The following NBPF15 variants were observed in gnomAD, a reference collection of about 807,000 sequenced individuals.
NBPF15 encodes the protein NBPF family member NBPF15.
A neutral mutation model predicts 62.2 loss-of-function variants in NBPF15; 74 were observed. That is an observed-to-expected ratio of 1.19 (90% CI 0.99 to 1.44). NBPF15 has a LOEUF of 1.44. Among genes scored for constraint, NBPF15 ranks in the 40% most tolerant of loss-of-function variants. NBPF15 has a pLI of 0.00. For missense variants in NBPF15, 790 were observed against 550.0 expected (o/e 1.44, Z -4.36); for synonymous variants, 244 against 209.7 (o/e 1.16, Z -1.41).
chr1:144,451,206 C>T (rs1571158987), intron 4 of NBPF15, among the ~76,000 whole-genome samples: 1 of 151,824 alleles, frequency 6.6e-6, no homozygotes, highest in Non-Finnish European at 1.5e-5. Context: ...AAGTGCTGTG[C>T]TTTTGATGTG....
intron 3 of NBPF15, among the ~76,000 whole-genome samples, chr1:144,457,082 G>T (rs1168896725): frequency 1.3e-5 from 2 of 152,000 alleles, no homozygotes; most frequent in African/African-American, 2.4e-5. Flanking sequence ...AGAAGGCTGA[G>T]GCAGGAGGAT....
At chr1:144,425,087 C>A (rs879949506) in intron 19 of NBPF15, among the ~76,000 whole-genome samples, 1 of 146,606 alleles carries the variant, frequency 6.8e-6, no homozygotes, top group Non-Finnish European at 1.5e-5. Flanking sequence ...CACACACACA[C>A]ACACACACAC....
intron 19 of NBPF15, among the ~76,000 whole-genome samples, chr1:144,425,145 G>C (rs1287434807): frequency 6.9e-6 from 1 of 144,362 alleles, no homozygotes; most frequent in East Asian, 2.0e-4. Flanking sequence ...TCAGTGAATT[G>C]TCCAGGTGAC....
intron 3 of NBPF15, among the ~76,000 whole-genome samples, chr1:144,458,757 T>C (rs1413278200): frequency 3.9e-5 from 6 of 151,988 alleles, no homozygotes; most frequent in East Asian, 3.9e-4. Context: ...AAGTGAATCA[T>C]AGCCGGGTGG....
At chr1:144,450,370 G>A (rs1212816143) in intron 5 of NBPF15, among the ~76,000 whole-genome samples, 1 of 151,582 alleles carries the variant, frequency 6.6e-6, no homozygotes, top group Non-Finnish European at 1.5e-5. Flanking sequence ...AGACAGGTAA[G>A]GAGGAAAGCA....
At chr1:144,442,341 T>C (rs1684082720) in intron 6 of NBPF15, among the ~76,000 whole-genome samples, 1 of 131,760 alleles carries the variant, frequency 7.6e-6, no homozygotes, top group South Asian at 2.3e-4. Flanking sequence ...ACGTGTGCCA[T>C]GTATATATAT....
Position 144,459,394 on chromosome 1 carries a change from G to A in NBPF15, c.-729C>T, listed in dbSNP as rs1279128554. 2.0e-5 allele frequency: 3 copies of A among 152,070 alleles called. No individual in the cohort carries two copies. The highest frequency in any genetic ancestry group is 2.1e-4 in the South Asian group (1 of 4,828). 9.4% of individuals were successfully genotyped at this position (152,070 alleles called of 1,614,324 possible). ...TAGGTCCCAGCTACTTGGGGGCTGA[G>A]GCAGGAGGATCACCTGAGCCTTGGG... On this transcript the variant is annotated 5_prime_UTR_variant, in exon 3 of 22. Coordinates refer to ENST00000581897, the MANE Select transcript of NBPF15 (RefSeq NM_001385408.1).
chr1:144,442,292 A>G (rs1182548921), intron 6 of NBPF15, among the ~76,000 whole-genome samples: 1 of 123,204 alleles, frequency 8.1e-6, no homozygotes, highest in Non-Finnish European at 1.7e-5. Flanking sequence ...TGTATATATT[A>G]TATATATATA....
rs587725226 is a variant in NBPF15 at position 144,423,876 on chromosome 1, C to T, written c.1763G>A (p.Cys588Tyr). The change falls in exon 21 of 22, where the codon TGC (cysteine) becomes TAC (tyrosine). Residue 588 changes from cysteine (C) to tyrosine (Y), a missense_variant. By Grantham distance (194) the Cys-to-Tyr change is radical (BLOSUM62 -2). Transcript: ENST00000581897. ...RKEGEDDNPP[C>Y]PRLYGVLMEV... ...CACAATTGCTGAAAGTTACCTGGGG[C>T]ATGGTGGGTTGTCATCTTCCCCTTC... 3,460 of 771,004 alleles carry T rather than the reference C, an allele frequency of 4.5e-3. 51 individuals are homozygous for T. Among genetic ancestry groups the T allele is most frequent in the Non-Finnish European group, 6.5e-3 (2,735 of 423,488 alleles). 47.8% of individuals were successfully genotyped at this position (771,004 alleles called of 1,614,324 possible). A position where few individuals can be genotyped will look rare whatever the true frequency, so the allele number is the denominator to read the frequency against.
At chr1:144,423,770 C>G in intron 21 of NBPF15, 100 bp downstream of exon 21, 1 of 711,918 alleles carries the variant, frequency 1.4e-6, no homozygotes, top group Non-Finnish European at 2.5e-6. Flanking sequence ...GTAATTCAGC[C>G]TTCGTTGAAA....
At chr1:144,457,251 T>C (rs1648653932) in intron 3 of NBPF15, among the ~76,000 whole-genome samples, 1 of 152,080 alleles carries the variant, frequency 6.6e-6, no homozygotes, top group Non-Finnish European at 1.5e-5. Context: ...AAGAATTCGA[T>C]TCTTTCTGTT....
chr1:144,421,874 GC>G lies in NBPF15; in HGVS notation c.*1138del, dbSNP rs1666251031. The G allele has an allele frequency of 7.3e-6, 1 of 137,536 alleles. No individual in the cohort carries two copies. The highest frequency in any genetic ancestry group is 1.5e-5 in the Non-Finnish European group (1 of 65,996). The allele number at this position is 137,536 out of a possible 1,614,324, so 8.5% of individuals were successfully genotyped here. A position where few individuals can be genotyped will look rare whatever the true frequency, so the allele number is the denominator to read the frequency against. ...TGGACAAACTAGACCTTCTCTGCCCGCAGATGGGCTGAGGTTGGAAACTCAC... is the reference window on the plus strand; with the variant it reads ...TGGACAAACTAGACCTTCTCTGCCCGAGATGGGCTGAGGTTGGAAACTCAC... On this transcript the variant is annotated 3_prime_UTR_variant, in exon 22 of 22. Coordinates refer to ENST00000581897, the MANE Select transcript of NBPF15 (RefSeq NM_001385408.1).
Position 144,456,554 on chromosome 1 carries a change from T to A in NBPF15, c.-449A>T, listed in dbSNP as rs587632734. ...GTTTTTACCTGTGGGATCTGGCAGCTCTTCATTCAGCCCACACCGTGTGAG... is the reference window on the plus strand; with the variant it reads ...GTTTTTACCTGTGGGATCTGGCAGCACTTCATTCAGCCCACACCGTGTGAG... On this transcript the variant is annotated 5_prime_UTR_variant, in exon 4 of 22. Coordinates refer to ENST00000581897, the MANE Select transcript of NBPF15 (RefSeq NM_001385408.1). 8.1e-5 allele frequency: 119 copies of A among 1,466,372 alleles called. 1 individual carries two copies. The East Asian group carries it at 2.7e-3, about 33-fold the overall frequency. 90.8% of individuals were successfully genotyped at this position (1,466,372 alleles called of 1,614,324 possible).
intron 13 of NBPF15, among the ~76,000 whole-genome samples, chr1:144,431,400 A>G (rs1674151790): frequency 6.6e-6 from 1 of 150,748 alleles, no homozygotes; most frequent in Non-Finnish European, 1.5e-5. Flanking sequence ...ACAAGCCAGA[A>G]GAGAGTGGGA....
chr1:144,422,642 T>A lies in NBPF15; in HGVS notation c.*371A>T, dbSNP rs1352951259. ...GGTTCATTGAAACCAGGGTAACACCTTTGGATGAGCTAAACACAAAGATGA... is the reference window on the plus strand; with the variant it reads ...GGTTCATTGAAACCAGGGTAACACCATTGGATGAGCTAAACACAAAGATGA... On this transcript the variant is annotated 3_prime_UTR_variant, in exon 22 of 22. Coordinates refer to ENST00000581897, the MANE Select transcript of NBPF15 (RefSeq NM_001385408.1). 8.0e-6 allele frequency: 3 copies of A among 374,932 alleles called. No individual in the cohort carries two copies. In the Admixed American group the frequency reaches 1.3e-4, roughly 16 times the overall value. The allele number at this position is 374,932 out of a possible 1,614,324, so 23.2% of individuals were successfully genotyped here. A position where few individuals can be genotyped will look rare whatever the true frequency, so the allele number is the denominator to read the frequency against.
In NBPF15 at chr1:144,442,095, C is replaced by CACAAGTGTATATATATATATAATATATAT. The variant is rs1683315428; in HGVS notation, c.-190-1801_-190-1800insATATATATTATATATATATATACACTTGT. Among the ~76,000 whole-genome samples the CACAAGTGTATATATATATATAATATATAT allele has an allele frequency of 9.1e-5, 5 of 54,682 alleles. No homozygotes were observed. In the South Asian group the frequency reaches 2.9e-3, roughly 32 times the overall value. 35.9% of individuals were successfully genotyped at this position (54,682 alleles called of 152,430 possible). ...TAATGGGTGCAGCAAACAAACATGG[C>CACAAGTGTATATATATATATAATATATAT]ACACGTGTATATATATATATAATAT... On this transcript the variant is annotated intron_variant, in intron 6 of 21. Coordinates refer to ENST00000581897, the MANE Select transcript of NBPF15 (RefSeq NM_001385408.1).
chr1:144,442,332 C>T (rs1553542962), intron 6 of NBPF15, among the ~76,000 whole-genome samples: 3 of 126,000 alleles, frequency 2.4e-5, no homozygotes, highest in Non-Finnish European at 3.3e-5. Flanking sequence ...TATATATACA[C>T]GTGTGCCATG....
intron 6 of NBPF15, among the ~76,000 whole-genome samples, chr1:144,445,296 A>ATT (rs71272979): frequency 1.5e-5 from 2 of 132,166 alleles, no homozygotes. Flanking sequence ...ATATATATAT[A>ATT]TTCCCTATTT....
intron 20 of NBPF15, among the ~76,000 whole-genome samples, 160 bp from the exon 21 acceptor site, chr1:144,424,135 T>G (rs373008931): frequency 0.055 from 8,296 of 152,156 alleles, 416 homozygotes; most frequent in Middle Eastern, 0.16. Flanking sequence ...GGTCATGATA[T>G]AAATTCCTCA....
Sources: gnomAD v4.1 joint callset for allele counts (sites outside exome capture counted in the v4.1 genomes callset) on GRCh38, gnomAD v4.1.1 for gene constraint, MANE v1.5 for transcripts, NCBI Gene and HGNC (gene_info 2026-07-23, HGNC 2026-07-21) for gene names.